The following CENPP variants were observed in gnomAD, a reference collection of about 807,000 sequenced individuals.
The protein encoded by CENPP is centromere protein P.
CENPP carries 24 observed loss-of-function variants against 35.6 expected under a neutral mutation model. That is an observed-to-expected ratio of 0.67 (90% CI 0.49 to 0.95). The LOEUF (loss-of-function observed/expected upper bound fraction) is 0.95. Ranked by LOEUF, CENPP falls within the 40% of genes least tolerant of loss-of-function variation. The probability of loss-of-function intolerance (pLI) is 0.00; values close to 1 mark genes in which losing one functional copy is unlikely to be tolerated. For missense variants in CENPP, 332 were observed against 345.3 expected (o/e 0.96, Z 0.31); for synonymous variants, 120 against 125.5 (o/e 0.96, Z 0.29).
chr9:92,568,532 G>A (rs1378195090), intron 5 of CENPP, among the ~76,000 whole-genome samples: 1 of 152,114 alleles, frequency 6.6e-6, no homozygotes, highest in African/African-American at 2.4e-5. Flanking sequence ...TGAGAATAGT[G>A]CTGCAGTAAA....
chr9:92,487,994 G>A (rs1846099525), intron 5 of CENPP, among the ~76,000 whole-genome samples: 1 of 152,190 alleles, frequency 6.6e-6, no homozygotes, highest in African/African-American at 2.4e-5. Flanking sequence ...TCAGCTTTGT[G>A]TTAGATGATT....
In CENPP at chr9:92,619,184, T is replaced by C. The variant is rs970231589; in HGVS notation, c.*6035T>C. 3 of 320,608 alleles carry C rather than the reference T, an allele frequency of 9.4e-6. No homozygotes were observed. The highest frequency in any genetic ancestry group is 1.8e-5 in the Non-Finnish European group (3 of 168,666). The allele number at this position is 320,608 out of a possible 1,614,324, so 19.9% of individuals were successfully genotyped here. ...GCTGGCTTTCTTTGAGGGAATGCAA[T>C]GGGCAGCTCACTGTCCACATTGTTT... is the stretch of plus-strand genomic sequence containing the variant. On this transcript the variant is annotated 3_prime_UTR_variant, in exon 8 of 8. Transcript: ENST00000375587.
At chr9:92,517,888 A>C in intron 5 of CENPP, 1 of 1,613,232 alleles carries the variant, frequency 6.2e-7, no homozygotes, top group Non-Finnish European at 8.5e-7. Context: ...AGAAGAAAAC[A>C]AAAGCACAAA....
At chr9:92,570,765 T>C (rs1025103759) in intron 5 of CENPP, among the ~76,000 whole-genome samples, 12 of 152,198 alleles carry the variant, frequency 7.9e-5, no homozygotes, top group African/African-American at 2.9e-4. Context: ...AGTCTGTTAT[T>C]GGTCTATTAA....
rs1438810059 is a variant in CENPP at position 92,614,958 on chromosome 9, G to T, written c.*1809G>T. ...AACCCGAGGGAGGAACTTGGTCTGG[G>T]AGGAAGAGAGAACTCGCTCCTCAAC... is the stretch of plus-strand genomic sequence containing the variant. On this transcript the variant is annotated 3_prime_UTR_variant, in exon 8 of 8. Coordinates refer to ENST00000375587, the MANE Select transcript of CENPP (RefSeq NM_001012267.3). 6.6e-6 allele frequency: 1 copy of T among 152,306 alleles called. No individual in the cohort carries two copies. Among genetic ancestry groups the T allele is most frequent in the African/African-American group, 2.4e-5 (1 of 41,430 alleles). The allele number at this position is 152,306 out of a possible 1,614,324, so 9.4% of individuals were successfully genotyped here.
intron 5 of CENPP, among the ~76,000 whole-genome samples, chr9:92,401,877 G>A (rs1588102520): frequency 6.6e-6 from 1 of 152,162 alleles, no homozygotes; most frequent in East Asian, 1.9e-4. Flanking sequence ...TATTCTTTCT[G>A]TCCTTTGTAA....
chr9:92,547,591 G>A (rs2172716), intron 5 of CENPP, among the ~76,000 whole-genome samples: 26,806 of 152,168 alleles, frequency 0.18, 3,425 homozygotes, highest in East Asian at 0.66. Flanking sequence ...GATTTCATTC[G>A]TATGAAATGT....
At chr9:92,470,195 A>G (rs1845460404) in intron 5 of CENPP, among the ~76,000 whole-genome samples, 1 of 152,248 alleles carries the variant, frequency 6.6e-6, no homozygotes, top group Non-Finnish European at 1.5e-5. Flanking sequence ...CTAATACAGT[A>G]AAGAAAAAAT....
chr9:92,556,251 G>A (rs1388296391), intron 5 of CENPP, among the ~76,000 whole-genome samples: 1 of 152,138 alleles, frequency 6.6e-6, no homozygotes, highest in African/African-American at 2.4e-5. Context: ...GTCTGAGAGA[G>A]TGTTGGATAT....
chr9:92,415,599 T>C, intron 5 of CENPP: 1 of 433,332 alleles, frequency 2.3e-6, no homozygotes, highest in Non-Finnish European at 3.8e-6. Flanking sequence ...TATTTATAAA[T>C]TGAATTAGGT....
At chr9:92,462,899 G>C (rs1845170141) in intron 5 of CENPP, among the ~76,000 whole-genome samples, 1 of 152,220 alleles carries the variant, frequency 6.6e-6, no homozygotes, top group African/African-American at 2.4e-5. Context: ...CAACGTGCCA[G>C]CGAATCTAGA....
chr9:92,431,476 T>C (rs2130987758), intron 5 of CENPP, among the ~76,000 whole-genome samples: 1 of 152,374 alleles, frequency 6.6e-6, no homozygotes, highest in Non-Finnish European at 1.5e-5. Context: ...TTGGCCTGCC[T>C]ATTAAAGAGA....
intron 5 of CENPP, among the ~76,000 whole-genome samples, chr9:92,552,182 CT>C (rs1849628151): frequency 2.6e-5 from 3 of 115,142 alleles, no homozygotes; most frequent in Non-Finnish European, 1.7e-5. Flanking sequence ...TATGATAGAT[CT>C]ATCATATACA....
intron 5 of CENPP, among the ~76,000 whole-genome samples, chr9:92,409,684 C>T (rs1486128281): frequency 3.3e-5 from 5 of 152,170 alleles, no homozygotes. Flanking sequence ...TATGGTGCAA[C>T]TTGGACTTAT....
intron 5 of CENPP, among the ~76,000 whole-genome samples, chr9:92,424,655 A>G (rs2761681): frequency 0.41 from 62,048 of 152,012 alleles, 15,109 homozygotes; most frequent in African/African-American, 0.68. Flanking sequence ...AGTCTCAGCA[A>G]CTTAAGGTGG....
chr9:92,481,980 T>C (rs1407532552), intron 5 of CENPP, among the ~76,000 whole-genome samples: 1 of 152,040 alleles, frequency 6.6e-6, no homozygotes, highest in Non-Finnish European at 1.5e-5. Flanking sequence ...ACATACAAGA[T>C]GTTTATTTAG....
At chr9:92,469,468 A>G (rs186650062) in intron 5 of CENPP, among the ~76,000 whole-genome samples, 289 of 152,244 alleles carry the variant, frequency 1.9e-3, no homozygotes, top group Non-Finnish European at 3.4e-3. Flanking sequence ...AGCAGGGTCC[A>G]CTGCACTGAC....
intron 5 of CENPP, among the ~76,000 whole-genome samples, chr9:92,487,909 T>C (rs147657731): frequency 1.4e-4 from 22 of 152,372 alleles, no homozygotes; most frequent in Non-Finnish European, 2.6e-4. Context: ...TGAGTACCCA[T>C]ACAACCATTG....
At chr9:92,497,192 TA>T (rs1846394924) in intron 5 of CENPP, among the ~76,000 whole-genome samples, 1 of 152,216 alleles carries the variant, frequency 6.6e-6, no homozygotes, top group Non-Finnish European at 1.5e-5. Flanking sequence ...TTATTTTTAG[TA>T]GTAAGAGTGG....
Sources: gnomAD v4.1 joint callset for allele counts (sites outside exome capture counted in the v4.1 genomes callset) on GRCh38, gnomAD v4.1.1 for gene constraint, MANE v1.5 for transcripts, NCBI Gene and HGNC (gene_info 2026-07-23, HGNC 2026-07-21) for gene names.